CTNNA3: variants seen among roughly 807,000 people sequenced by gnomAD.
CTNNA3 encodes the protein catenin alpha 3.
A neutral mutation model predicts 95.7 loss-of-function variants in CTNNA3; 76 were observed. The ratio of observed to expected loss-of-function variants is 0.79; its 90% CI spans 0.66 to 0.96. The LOEUF (loss-of-function observed/expected upper bound fraction) is 0.96, where lower values mean the gene tolerates loss of function less well. Among genes scored for constraint, CTNNA3 ranks in the 40% least tolerant of loss-of-function variants. The pLI, the probability that CTNNA3 is intolerant of heterozygous loss-of-function variation, is 0.00. For synonymous variants in CTNNA3, 431 were observed against 374.4 expected (o/e 1.15, Z -1.74); for missense variants, 1,191 against 1,089.8 (o/e 1.09, Z -1.31).
intron 13 of CTNNA3, among the ~76,000 whole-genome samples, chr10:66,264,925 C>T (rs76939226): frequency 1.6e-4 from 25 of 152,114 alleles, no homozygotes; most frequent in Non-Finnish European, 3.4e-4. Context: ...CAAAACAATA[C>T]TTAGCTGCTT....
chr10:67,446,978 G>A (rs968567624), intron 5 of CTNNA3, among the ~76,000 whole-genome samples: 9 of 152,144 alleles, frequency 5.9e-5, no homozygotes, highest in South Asian at 2.1e-4. Context: ...GGTGGCGGGC[G>A]CCTGTAGTCC....
At chr10:66,108,494 C>A (rs1185717376) in intron 13 of CTNNA3, among the ~76,000 whole-genome samples, 2 of 152,110 alleles carry the variant, frequency 1.3e-5, no homozygotes, top group African/African-American at 4.8e-5. Context: ...CCTGGCCAGT[C>A]TAACTAAAGT....
intron 10 of CTNNA3, among the ~76,000 whole-genome samples, chr10:66,578,115 G>A (rs968356941): frequency 6.6e-5 from 10 of 151,690 alleles, no homozygotes; most frequent in Non-Finnish European, 1.5e-4. Context: ...TCATAATTTC[G>A]TTCTGAGCTT....
intron 13 of CTNNA3, among the ~76,000 whole-genome samples, chr10:66,229,837 G>C (rs2089500129): frequency 6.6e-6 from 1 of 151,958 alleles, no homozygotes; most frequent in African/African-American, 2.4e-5. Context: ...TTCTCTTGCT[G>C]TAACTTCTAT....
chr10:67,046,506 T>A (rs1440411136), intron 7 of CTNNA3, among the ~76,000 whole-genome samples: 1 of 152,174 alleles, frequency 6.6e-6, no homozygotes, highest in Non-Finnish European at 1.5e-5. Flanking sequence ...AACAAGGGGA[T>A]TCCTGGAAAG....
chr10:67,592,434 C>G (rs1042541781), intron 3 of CTNNA3, among the ~76,000 whole-genome samples: 1 of 152,088 alleles, frequency 6.6e-6, no homozygotes, highest in African/African-American at 2.4e-5. Context: ...GAAGAAGCTG[C>G]TGGACACCAC....
At chr10:67,282,361 G>A (rs1235457802) in intron 5 of CTNNA3, among the ~76,000 whole-genome samples, 1 of 152,062 alleles carries the variant, frequency 6.6e-6, no homozygotes, top group Non-Finnish European at 1.5e-5. Context: ...TTTCCTGTAG[G>A]TATACTCCCA....
At chr10:66,635,431 A>C (rs1845300763) in intron 9 of CTNNA3, among the ~76,000 whole-genome samples, 1 of 152,142 alleles carries the variant, frequency 6.6e-6, no homozygotes, top group South Asian at 2.1e-4. Flanking sequence ...ATTATCATTG[A>C]AATTGCTGTC....
chr10:66,462,997 G>A (rs1033884278), intron 11 of CTNNA3, among the ~76,000 whole-genome samples: 1 of 152,078 alleles, frequency 6.6e-6, no homozygotes, highest in African/African-American at 2.4e-5. Context: ...ATGAACGATA[G>A]GCAGTTTATT....
At chr10:65,940,910 G>A (rs1305002736) in intron 17 of CTNNA3, among the ~76,000 whole-genome samples, 1 of 152,140 alleles carries the variant, frequency 6.6e-6, no homozygotes, top group Non-Finnish European at 1.5e-5. Context: ...AATCCAGAAT[G>A]CCACAATAAT....
intron 11 of CTNNA3, among the ~76,000 whole-genome samples, chr10:66,421,897 G>GATGTGTATAT: frequency 1.5e-4 from 16 of 108,146 alleles, no homozygotes; most frequent in African/African-American, 5.2e-4. Flanking sequence ...TAATAAATGT[G>GATGTGTATAT]ATATATATAT....
chr10:67,232,119 T>C (rs1284957711), intron 5 of CTNNA3, among the ~76,000 whole-genome samples: 1 of 151,906 alleles, frequency 6.6e-6, no homozygotes, highest in East Asian at 1.9e-4. Flanking sequence ...TTCCCCAATC[T>C]AGCAAGGCAG....
At chr10:66,791,955 A>G (rs973557864) in intron 7 of CTNNA3, among the ~76,000 whole-genome samples, 39 of 149,746 alleles carry the variant, frequency 2.6e-4, no homozygotes, top group Non-Finnish European at 5.7e-4. Flanking sequence ...CACTGAAAAG[A>G]TATAACATCA....
intron 7 of CTNNA3, among the ~76,000 whole-genome samples, chr10:66,948,534 G>A (rs1299725053): frequency 1.3e-5 from 2 of 152,090 alleles, no homozygotes; most frequent in Admixed American, 6.5e-5. Flanking sequence ...AGATCTACTT[G>A]GGAAGATTTT....
At chr10:66,614,828 C>A (rs913075001) in intron 10 of CTNNA3, among the ~76,000 whole-genome samples, 1 of 151,942 alleles carries the variant, frequency 6.6e-6, no homozygotes, top group South Asian at 2.1e-4. Flanking sequence ...ACATTTCTCT[C>A]TTGTGATTTT....
chr10:66,220,881 G>GGAGCCTGGGATTTTTATAGGATTTTT (rs1220242641), intron 13 of CTNNA3, among the ~76,000 whole-genome samples: 1 of 152,152 alleles, frequency 6.6e-6, no homozygotes, highest in Non-Finnish European at 1.5e-5. Flanking sequence ...ATAGGTACAG[G>GGAGCCTGGGATTTTTATAGGATTTTT]ATGGGGGGTG....
chr10:66,548,251 T>C (rs1199608716), intron 10 of CTNNA3, among the ~76,000 whole-genome samples: 2 of 152,174 alleles, frequency 1.3e-5, no homozygotes, highest in Admixed American at 6.5e-5. Flanking sequence ...GAATATATTA[T>C]ATTTTATAAA....
chr10:66,187,064 G>A (rs1274940073), intron 13 of CTNNA3, among the ~76,000 whole-genome samples: 1 of 152,064 alleles, frequency 6.6e-6, no homozygotes, highest in Non-Finnish European at 1.5e-5. Context: ...TGCCTGGAGG[G>A]AGCAGAATAG....
chr10:65,980,794 C>G (rs1007876847), intron 16 of CTNNA3, among the ~76,000 whole-genome samples: 5 of 151,936 alleles, frequency 3.3e-5, no homozygotes, highest in Non-Finnish European at 7.4e-5. Flanking sequence ...ATCCAGCATC[C>G]CTTTATGATT....
Sources: allele counts gnomAD v4.1 joint callset (sites outside exome capture counted in the v4.1 genomes callset), GRCh38; gene constraint gnomAD v4.1.1; transcripts MANE v1.5; gene names NCBI Gene and HGNC (gene_info 2026-07-23, HGNC 2026-07-21).